The following ACSM3 variants were observed in gnomAD, a reference collection of about 807,000 sequenced individuals.
ACSM3 encodes acyl-coenzyme A synthetase ACSM3, mitochondrial.
ACSM3 carries 61 observed loss-of-function variants against 74.1 expected under a neutral mutation model. That is an observed-to-expected ratio of 0.82 (90% CI 0.67 to 1.02). The LOEUF (loss-of-function observed/expected upper bound fraction) is 1.02. Among genes scored for constraint, ACSM3 ranks in the 50% least tolerant of loss-of-function variants. The probability of loss-of-function intolerance (pLI) is 0.00; values close to 1 mark genes in which losing one functional copy is unlikely to be tolerated. For missense variants in ACSM3, 660 were observed against 697.0 expected, an observed-to-expected ratio of 0.95 and a Z score of 0.60; for synonymous variants, 213 against 241.5, an observed-to-expected ratio of 0.88 and a Z score of 1.09.
Position 20,780,852 on chromosome 16 carries a change from TG to T in ACSM3, c.779del (p.Gly260GlufsTer5). On this transcript the variant is annotated frameshift_variant, in exon 5 of 14. Transcript: ENST00000289416. LOFTEE classifies it high-confidence loss of function. ...SSFGLGLSVN[G>X]RFWLDLTPSD... ...GTTTTGGTTTAGGATTATCTGTAAA[TG>T]GAAGGTATACTTTCACAAAAGTGCA... 2 of 1,614,244 alleles carry T rather than the reference TG, an allele frequency of 1.2e-6. No homozygotes were observed. Among genetic ancestry groups the T allele is most frequent in the African/African-American group, 1.3e-5 (1 of 75,074 alleles).
In ACSM3 at chr16:20,781,034, A is replaced by G; in HGVS notation, c.843A>G (p.Ala281=). The stretch of plus-strand genomic sequence containing the variant: ...GGAATACCTCAGATACGGGCTGGGC[A>G]AAGTCTGCATGGAGTAGTGTTTTTT... ...VMWNTSDTGW[A]KSAWSSVFSP... is the part of the protein sequence containing the mutation. The change falls in exon 6 of 14, where the codon GCA becomes GCG. Residue 281 remains alanine, a synonymous_variant. Transcript: ENST00000289416. 6.2e-7 allele frequency: 1 copy of G among 1,614,240 alleles called. No homozygotes were observed. Among genetic ancestry groups the G allele is most frequent in the Non-Finnish European group, 8.5e-7 (1 of 1,180,034 alleles).
chr16:20,791,523 G>A (rs1035376211), intron 10 of ACSM3, among the ~76,000 whole-genome samples: 2 of 152,150 alleles, frequency 1.3e-5, no homozygotes, highest in African/African-American at 4.8e-5. Context: ...CCTTTCTTCT[G>A]TCGGGCTAGC....
chr16:20,743,393 C>G (rs543024412), intron 1 of ACSM3, among the ~76,000 whole-genome samples: 5 of 152,132 alleles, frequency 3.3e-5, no homozygotes, highest in Non-Finnish European at 1.5e-5. Context: ...ATGCTGCTTT[C>G]GTTGCGGCCT....
At chr16:20,718,450 C>A in intron 1 of ACSM3, 1 of 553,092 alleles carries the variant, frequency 1.8e-6, no homozygotes, top group Non-Finnish European at 2.8e-6. Flanking sequence ...GATGGCCCAG[C>A]ACTCTCAGAG....
intron 6 of ACSM3, 49 bp from the exon 7 acceptor site, chr16:20,781,658 AC>A: frequency 7.4e-7 from 1 of 1,342,784 alleles, no homozygotes; most frequent in East Asian, 2.3e-5. Context: ...ACATTTAAGC[AC>A]TTATTTAAGT....
intron 1 of ACSM3, among the ~76,000 whole-genome samples, chr16:20,676,541 G>A (rs1233694898): frequency 6.6e-6 from 1 of 152,158 alleles, no homozygotes; most frequent in Admixed American, 6.5e-5. Flanking sequence ...TAGAAGCTCC[G>A]TAGGTGTGAA....
intron 1 of ACSM3, among the ~76,000 whole-genome samples, chr16:20,676,920 T>G (rs75412497): frequency 1.3e-5 from 2 of 151,804 alleles, no homozygotes; most frequent in African/African-American, 4.8e-5. Context: ...AACCCAAGAC[T>G]CCCTGCACCT....
intron 1 of ACSM3, among the ~76,000 whole-genome samples, chr16:20,676,902 C>A (rs78168707): frequency 6.6e-6 from 1 of 152,072 alleles, no homozygotes; most frequent in Non-Finnish European, 1.5e-5. Flanking sequence ...GCTACTGCAC[C>A]CAGGAGAAAC....
chr16:20,728,436 A>C (rs1455539824), intron 1 of ACSM3: 1 of 1,429,226 alleles, frequency 7.0e-7, no homozygotes, highest in Non-Finnish European at 9.8e-7. Flanking sequence ...AGAAGGGGAA[A>C]TTGCCCTCAG....
intron 1 of ACSM3, chr16:20,691,060 A>C (rs1286355338): frequency 6.2e-7 from 1 of 1,613,812 alleles, no homozygotes; most frequent in Non-Finnish European, 8.5e-7. Flanking sequence ...CCGGTACTTC[A>C]TAGTCATTCC....
At chr16:20,788,729 C>G (rs945084470) in intron 9 of ACSM3, among the ~76,000 whole-genome samples, 1 of 152,134 alleles carries the variant, frequency 6.6e-6, no homozygotes, top group African/African-American at 2.4e-5. Flanking sequence ...ATGATTCTCC[C>G]CAGACACAGA....
At chr16:20,757,941 T>C (rs1366576000) in intron 3 of ACSM3, among the ~76,000 whole-genome samples, 2 of 152,254 alleles carry the variant, frequency 1.3e-5, no homozygotes, top group Non-Finnish European at 2.9e-5. Context: ...TTATATTTAT[T>C]GATTTGCATA....
At chr16:20,758,942 G>T (rs1318876980) in intron 3 of ACSM3, among the ~76,000 whole-genome samples, 1 of 152,084 alleles carries the variant, frequency 6.6e-6, no homozygotes, top group Non-Finnish European at 1.5e-5. Flanking sequence ...GAGCGGTTTT[G>T]AGTGAGTTTC....
rs2079874766 is a variant in ACSM3 at position 20,736,947 on chromosome 16, C to G, written c.-189-12963C>G. 6.2e-7 allele frequency: 1 copy of G among 1,614,106 alleles called. No individual in the cohort carries two copies. On this transcript the variant is annotated intron_variant, in intron 1 of 3. Transcript: ENST00000561584. ...TTGACTTGCAAGTTCAGGTTTGGCTCCTCCCTCATTTACCACCTGTGGATT... is the reference window on the plus strand; with the variant it reads ...TTGACTTGCAAGTTCAGGTTTGGCTGCTCCCTCATTTACCACCTGTGGATT...
At chr16:20,731,373 G>A (rs1399824036) in intron 1 of ACSM3, among the ~76,000 whole-genome samples, 1 of 152,166 alleles carries the variant, frequency 6.6e-6, no homozygotes, top group Non-Finnish European at 1.5e-5. Flanking sequence ...TTAAATACAT[G>A]TGTGACCTGT....
intron 1 of ACSM3, among the ~76,000 whole-genome samples, chr16:20,701,103 A>G (rs1481636087): frequency 2.6e-5 from 4 of 152,140 alleles, no homozygotes; most frequent in Non-Finnish European, 4.4e-5. Flanking sequence ...TCAATAATAT[A>G]AATGGTAGGT....
chr16:20,794,713 CATT>C (rs1360175250), intron 12 of ACSM3, among the ~76,000 whole-genome samples: 1 of 152,130 alleles, frequency 6.6e-6, no homozygotes, highest in Non-Finnish European at 1.5e-5. Flanking sequence ...ATGTGCCAGG[CATT>C]ATACATCTAT....
At chr16:20,741,609 T>G (rs1271448072) in intron 1 of ACSM3, 2 of 1,573,856 alleles carry the variant, frequency 1.3e-6, no homozygotes, top group Non-Finnish European at 1.7e-6. Context: ...GAGGATGCCC[T>G]GTAGCCCGGG....
intron 1 of ACSM3, among the ~76,000 whole-genome samples, chr16:20,712,263 C>T (rs1471316601): frequency 6.6e-6 from 1 of 152,050 alleles, no homozygotes; most frequent in African/African-American, 2.4e-5. Flanking sequence ...GAAACCTAGG[C>T]CCACAAAGCC....
Sources: gnomAD v4.1 joint callset for allele counts (sites outside exome capture counted in the v4.1 genomes callset) on GRCh38, gnomAD v4.1.1 for gene constraint, MANE v1.5 for transcripts, NCBI Gene and HGNC (gene_info 2026-07-23, HGNC 2026-07-21) for gene names.